Variants in EEPD1 observed in about 807,000 individuals in gnomAD.
The protein encoded by EEPD1 is endonuclease/exonuclease/phosphatase family domain-containing protein 1.
In EEPD1, 17 loss-of-function variants were observed where a neutral mutation model predicts 46.3. The ratio of observed to expected loss-of-function variants is 0.37; its 90% confidence interval spans 0.25 to 0.55. EEPD1 has a LOEUF of 0.55. Ranked by LOEUF, EEPD1 falls within the 20% of genes least tolerant of loss-of-function variation. The pLI is 0.83. For synonymous variants in EEPD1, 313 were observed against 315.6 expected (o/e 0.99, Z 0.09); for missense variants, 673 against 745.6 (o/e 0.90, Z 1.13).
intron 2 of EEPD1, among the ~76,000 whole-genome samples, chr7:36,163,096 T>C (rs549187298): frequency 1.5e-5 from 1 of 64,654 alleles, no homozygotes; most frequent in South Asian, 3.5e-4. Context: ...GCAAATTCAG[T>C]CTAATTTTTT....
intron 2 of EEPD1, among the ~76,000 whole-genome samples, chr7:36,234,277 T>C (rs1369472773): frequency 1.3e-5 from 2 of 152,228 alleles, no homozygotes; most frequent in East Asian, 1.9e-4. Flanking sequence ...ATTGCACTTC[T>C]TGAAGCTGCT....
chr7:36,266,968 C>A (rs1410594693), intron 3 of EEPD1, among the ~76,000 whole-genome samples: 1 of 152,230 alleles, frequency 6.6e-6, no homozygotes, highest in Non-Finnish European at 1.5e-5. Context: ...TTTCTCCATT[C>A]ATCTGCTGGT....
Position 36,154,644 on chromosome 7 carries a change from C to G in EEPD1, c.320C>G (p.Ala107Gly), listed in dbSNP as rs757985715. ...EICVSSKGSS[A>G]QHSPSSLRRD... is the part of the protein sequence containing the mutation. ...TGTGTGAGCAGCAAGGGCAGCTCAG[C>G]GCAGCACTCTCCCAGTTCCCTGCGG... Residue 107 changes from alanine to glycine, a missense_variant, in exon 2 of 8, where the codon GCG becomes GGG. Coordinates refer to ENST00000242108, the MANE Select transcript of EEPD1 (RefSeq NM_030636.3). This position sits in a 1 kb window ranked among gnomAD's most constrained non-coding sequence, Gnocchi z 4.2. The G allele has an allele frequency of 7.4e-6, 12 of 1,613,774 alleles. No individual in the cohort carries two copies. The highest frequency in any genetic ancestry group is 1.0e-5 in the Non-Finnish European group (12 of 1,180,028).
intron 2 of EEPD1, among the ~76,000 whole-genome samples, chr7:36,216,888 G>C (rs1255946753): frequency 6.6e-6 from 1 of 152,182 alleles, no homozygotes; most frequent in Non-Finnish European, 1.5e-5. Flanking sequence ...AGGTCTAGAA[G>C]GATACATATC....
intron 2 of EEPD1, among the ~76,000 whole-genome samples, chr7:36,191,746 C>T (rs545315968): frequency 3.2e-4 from 49 of 152,362 alleles, no homozygotes; most frequent in South Asian, 2.5e-3. Context: ...TAAAAACAAA[C>T]GCAGACTTAT....
chr7:36,237,875 C>T (rs1786485365), intron 2 of EEPD1, among the ~76,000 whole-genome samples: 1 of 152,028 alleles, frequency 6.6e-6, no homozygotes, highest in Non-Finnish European at 1.5e-5. Context: ...GGCTTGAACT[C>T]GGGAGGTGAA....
chr7:36,239,012 G>A lies in EEPD1; in HGVS notation c.906G>A (p.Leu302=), dbSNP rs758516746. 10 of 1,611,140 alleles carry A rather than the reference G, an allele frequency of 6.2e-6. No individual in the cohort carries two copies. Among genetic ancestry groups the A allele is most frequent in the African/African-American group, 1.3e-5 (1 of 74,842 alleles). The part of the protein sequence containing the change: ...NSIKLLAVQE[L]LDREALEKFC... ...TCAAGCTTCTAGCTGTGCAAGAACTGCTTGACAGAGAGGCCTTGGAAAAGG... is the reference window on the plus strand; with the variant it reads ...TCAAGCTTCTAGCTGTGCAAGAACTACTTGACAGAGAGGCCTTGGAAAAGG... The change falls in exon 3 of 8, where the codon CTG becomes CTA. Residue 302 remains leucine (L), a synonymous_variant. Coordinates refer to ENST00000242108, the MANE Select transcript of EEPD1 (RefSeq NM_030636.3).
chr7:36,180,626 T>A (rs541556647), intron 2 of EEPD1, among the ~76,000 whole-genome samples: 1 of 152,264 alleles, frequency 6.6e-6, no homozygotes, highest in Non-Finnish European at 1.5e-5. Context: ...CTGGGAAGTT[T>A]AGGTGACTGA....
chr7:36,194,391 C>T (rs1785538721), intron 2 of EEPD1, among the ~76,000 whole-genome samples: 1 of 152,188 alleles, frequency 6.6e-6, no homozygotes, highest in Admixed American at 6.5e-5. Context: ...CAAAGTAATT[C>T]TGGCATCCTA....
chr7:36,292,378 T>TGTTTTCTTTTCTTTTCTTTC, intron 6 of EEPD1, among the ~76,000 whole-genome samples: 1 of 152,052 alleles, frequency 6.6e-6, no homozygotes, highest in African/African-American at 2.4e-5. Context: ...TCTTTTGTTT[T>TGTTTTCTTTTCTTTTCTTTC]GTTTTCTTTT....
intron 2 of EEPD1, among the ~76,000 whole-genome samples, chr7:36,207,166 A>C (rs1322435683): frequency 6.6e-6 from 1 of 152,078 alleles, no homozygotes; most frequent in African/African-American, 2.4e-5. Flanking sequence ...TTTGCATACA[A>C]CTCCTGCATT....
At chr7:36,194,492 C>T (rs1466128733) in intron 2 of EEPD1, among the ~76,000 whole-genome samples, 3 of 152,200 alleles carry the variant, frequency 2.0e-5, no homozygotes, top group African/African-American at 7.2e-5. Context: ...CTGGTTCCTC[C>T]TCCTGCCCCC....
chr7:36,202,814 T>C (rs1030041105), intron 2 of EEPD1, among the ~76,000 whole-genome samples: 3 of 152,208 alleles, frequency 2.0e-5, no homozygotes, highest in African/African-American at 7.2e-5. Context: ...CCCAAGGTCA[T>C]GTAGCTTATA....
chr7:36,264,288 G>A (rs939871461), intron 3 of EEPD1, among the ~76,000 whole-genome samples: 6 of 152,184 alleles, frequency 3.9e-5, no homozygotes, highest in Admixed American at 6.5e-5. Flanking sequence ...GGGGAAGCCC[G>A]CAGTGGGGTC....
rs1347254820 is a variant in EEPD1 at position 36,154,823 on chromosome 7, G to A, written c.499G>A (p.Glu167Lys). Reference sequence around the variant, plus strand: ...CCTCAGCATCGTGGACTTCCGCCGTGAGCATGGGCCCTTTCGCAGCGTTGA... The same window carrying A: ...CCTCAGCATCGTGGACTTCCGCCGTAAGCATGGGCCCTTTCGCAGCGTTGA... ...MALSIVDFRR[E>K]HGPFRSVEDL... The change falls in exon 2 of 8, where the codon GAG becomes AAG. Residue 167 changes from glutamate (E) to lysine (K), a missense_variant. By Grantham distance (56) the Glu-to-Lys change is moderately conservative (BLOSUM62 1). Coordinates refer to ENST00000242108, the MANE Select transcript of EEPD1 (RefSeq NM_030636.3). The surrounding 1 kb of genome is among the most constrained non-coding windows in gnomAD (Gnocchi z 4.2). 1 of 1,614,218 alleles carries A rather than the reference G, an allele frequency of 6.2e-7. No homozygotes were observed. The highest frequency in any genetic ancestry group is 1.7e-5 in the Admixed American group (1 of 60,034).
intron 2 of EEPD1, among the ~76,000 whole-genome samples, chr7:36,219,303 A>C (rs1194259397): frequency 1.3e-5 from 2 of 151,414 alleles, no homozygotes; most frequent in Admixed American, 6.6e-5. Flanking sequence ...TAGATGGCAA[A>C]GCCTAAACTC....
chr7:36,246,943 T>C (rs1786650452), intron 3 of EEPD1, among the ~76,000 whole-genome samples: 2 of 151,972 alleles, frequency 1.3e-5, no homozygotes, highest in East Asian at 1.9e-4. Context: ...CTGGCCGATA[T>C]GGTGAAACCC....
chr7:36,169,653 C>G (rs529438294), intron 2 of EEPD1, among the ~76,000 whole-genome samples: 1 of 152,252 alleles, frequency 6.6e-6, no homozygotes, highest in East Asian at 1.9e-4. Context: ...TTCCTCGCCC[C>G]TTAGTCATGG....
chr7:36,161,679 C>G (rs1005265405), intron 2 of EEPD1, among the ~76,000 whole-genome samples: 9 of 152,064 alleles, frequency 5.9e-5, no homozygotes, highest in African/African-American at 2.2e-4. Context: ...AGCTTATAAG[C>G]AGGAAGGTGT....
Sources: allele counts gnomAD v4.1 joint callset (sites outside exome capture counted in the v4.1 genomes callset), GRCh38; gene constraint gnomAD v4.1.1; non-coding constraint Gnocchi (gnomAD v3.1); transcripts MANE v1.5; gene names NCBI Gene and HGNC (gene_info 2026-07-23, HGNC 2026-07-21).